Variants in NEK6 observed in about 807,000 individuals in gnomAD.
The protein encoded by NEK6 is NIMA related kinase 6, also known as serine/threonine-protein kinase Nek6.
NEK6 carries 27 observed loss-of-function variants against 43.5 expected under a neutral mutation model. The observed-to-expected ratio is 0.62, with a 90% CI of 0.46 to 0.86. NEK6 has a LOEUF of 0.86. NEK6 is among the 40% of genes least tolerant of loss of function. The pLI, the probability that NEK6 is intolerant of heterozygous loss-of-function variation, is 0.00. For missense variants in NEK6, 318 were observed against 414.4 expected, an observed-to-expected ratio of 0.77 and a Z score of 2.02; for synonymous variants, 167 against 164.1, an observed-to-expected ratio of 1.02 and a Z score of -0.14.
intron 7 of NEK6, among the ~76,000 whole-genome samples, chr9:124,331,289 A>C (rs922635759): frequency 2.9e-5 from 4 of 140,004 alleles, no homozygotes; most frequent in African/African-American, 1.1e-4. Flanking sequence ...CATTTTGCTC[A>C]TTTTGCTTTT....
intron 1 of NEK6, among the ~76,000 whole-genome samples, chr9:124,288,897 C>G (rs936894967): frequency 1.2e-4 from 18 of 152,156 alleles, no homozygotes; most frequent in Non-Finnish European, 2.2e-4. Context: ...CCTGCAGCCC[C>G]CTTCATTGCC....
At chr9:124,327,160 A>G (rs1359798157) in intron 6 of NEK6, among the ~76,000 whole-genome samples, 178 bp from the exon 7 acceptor site, 1 of 152,164 alleles carries the variant, frequency 6.6e-6, no homozygotes, top group African/African-American at 2.4e-5. Context: ...TCATATGAAG[A>G]AACTGAGGCT....
At chr9:124,260,755 C>T (rs1830999423) in intron 1 of NEK6, among the ~76,000 whole-genome samples, 1 of 152,164 alleles carries the variant, frequency 6.6e-6, no homozygotes, top group African/African-American at 2.4e-5. Flanking sequence ...TGTATTTTAC[C>T]CAGTCCACTC....
chr9:124,276,845 G>A (rs143340126), intron 1 of NEK6, among the ~76,000 whole-genome samples: 1 of 152,362 alleles, frequency 6.6e-6, no homozygotes, highest in Non-Finnish European at 1.5e-5. Flanking sequence ...GGAAACAGCA[G>A]TTGCAGGAAC....
chr9:124,327,271 C>A, intron 6 of NEK6, 67 bp from the exon 7 acceptor site: 1 of 1,328,894 alleles, frequency 7.5e-7, no homozygotes, highest in Non-Finnish European at 1.1e-6. Context: ...CTCCCCCTTC[C>A]TCTCGTCCTG....
chr9:124,267,669 CT>C (rs1241821112), intron 1 of NEK6, among the ~76,000 whole-genome samples: 1 of 152,252 alleles, frequency 6.6e-6, no homozygotes. Context: ...TGGGCCGCCC[CT>C]GAGCTGGCCA....
At chr9:124,309,247 C>T (rs1376099141) in intron 2 of NEK6, among the ~76,000 whole-genome samples, 1 of 152,180 alleles carries the variant, frequency 6.6e-6, no homozygotes, top group African/African-American at 2.4e-5. Context: ...CTAATTGGGT[C>T]GGATGGACTG....
At chr9:124,310,089 T>C (rs1833454964) in intron 2 of NEK6, among the ~76,000 whole-genome samples, 1 of 152,124 alleles carries the variant, frequency 6.6e-6, no homozygotes, top group Non-Finnish European at 1.5e-5. Context: ...GGATCTGAGC[T>C]GAGAGCCCAC....
chr9:124,292,300 C>T, intron 1 of NEK6: 1 of 1,372,520 alleles, frequency 7.3e-7, no homozygotes, highest in Non-Finnish European at 9.6e-7. Context: ...GGACCTTTGC[C>T]ACTAGCCTGG....
chr9:124,262,503 C>T (rs1564610388), intron 1 of NEK6, among the ~76,000 whole-genome samples: 1 of 152,272 alleles, frequency 6.6e-6, no homozygotes, highest in African/African-American at 2.4e-5. Flanking sequence ...GTCTCCAATT[C>T]TGGATTTTTC....
intron 1 of NEK6, among the ~76,000 whole-genome samples, chr9:124,270,069 G>GC (rs560878217): frequency 0.062 from 9,172 of 147,318 alleles, 352 homozygotes; most frequent in African/African-American, 0.1. Flanking sequence ...TTCCTTCCAC[G>GC]CCCCCCCCCC....
intron 8 of NEK6, among the ~76,000 whole-genome samples, chr9:124,345,162 A>G (rs1214305108): frequency 6.6e-6 from 1 of 152,202 alleles, no homozygotes; most frequent in Admixed American, 6.5e-5. Flanking sequence ...TTTGAGGAGC[A>G]GCGCTGAGAG....
At chr9:124,325,720 AT>A (rs1372635700) in intron 5 of NEK6, among the ~76,000 whole-genome samples, 1 of 152,176 alleles carries the variant, frequency 6.6e-6, no homozygotes, top group African/African-American at 2.4e-5. Flanking sequence ...AGCACTAAAT[AT>A]GTTTTCCCAG....
chr9:124,257,959 C>T lies in NEK6; in HGVS notation c.-156C>T, dbSNP rs1483177933. 3.8e-4 allele frequency: 374 copies of T among 978,388 alleles called. 2 individuals carry two copies. Among genetic ancestry groups the T allele is most frequent in the South Asian group, 3.5e-3 (75 of 21,268 alleles). The allele number at this position is 978,388 out of a possible 1,614,324, so 60.6% of individuals were successfully genotyped here. A position where few individuals can be genotyped will look rare whatever the true frequency, so the allele number is the denominator to read the frequency against. On this transcript the variant is annotated 5_prime_UTR_variant, in exon 1 of 10. Transcript: ENST00000320246. Reference sequence around the variant, plus strand: ...CGCGGGCCCGCGCAGGCGGTGGCGGCGGCGGCGGAACCGAGCTGACGGGCG... The same window carrying T: ...CGCGGGCCCGCGCAGGCGGTGGCGGTGGCGGCGGAACCGAGCTGACGGGCG...
At chr9:124,344,611 T>C (rs1829821638) in intron 8 of NEK6, among the ~76,000 whole-genome samples, 1 of 152,262 alleles carries the variant, frequency 6.6e-6, no homozygotes, top group South Asian at 2.1e-4. Context: ...GGCCGGGCTC[T>C]GTTCTCGTTA....
rs1830261043 is a variant in NEK6 at position 124,351,280 on chromosome 9, T to A, written c.*333T>A. Reference sequence around the variant, plus strand: ...TGAATCTTTAGGGTAATTCCTCCAGTGACCTGTCAAGGCTTATGCTAACAG... The same window carrying A: ...TGAATCTTTAGGGTAATTCCTCCAGAGACCTGTCAAGGCTTATGCTAACAG... On this transcript the variant is annotated 3_prime_UTR_variant, in exon 10 of 10. Coordinates refer to ENST00000320246, the MANE Select transcript of NEK6 (RefSeq NM_014397.6). 3 of 263,952 alleles carry A rather than the reference T, an allele frequency of 1.1e-5. No individual in the cohort carries two copies. The highest frequency in any genetic ancestry group is 1.5e-5 in the Non-Finnish European group (2 of 134,864). The allele number at this position is 263,952 out of a possible 1,614,324, so 16.4% of individuals were successfully genotyped here.
At chr9:124,279,037 G>A (rs778351437) in intron 1 of NEK6, among the ~76,000 whole-genome samples, 1 of 152,010 alleles carries the variant, frequency 6.6e-6, no homozygotes, top group Non-Finnish European at 1.5e-5. Context: ...CAATTTGGGC[G>A]AAGTTTCCCA....
intron 9 of NEK6, among the ~76,000 whole-genome samples, chr9:124,349,504 C>G (rs1269590023): frequency 3.3e-5 from 5 of 152,168 alleles, no homozygotes; most frequent in African/African-American, 1.2e-4. Context: ...TGGCTCTCGC[C>G]GGGCCCCATG....
intron 9 of NEK6, among the ~76,000 whole-genome samples, chr9:124,349,505 G>A (rs1009937661): frequency 4.6e-5 from 7 of 152,188 alleles, no homozygotes; most frequent in African/African-American, 1.4e-4. Flanking sequence ...GGCTCTCGCC[G>A]GGCCCCATGC....
Sources: allele counts gnomAD v4.1 joint callset (sites outside exome capture counted in the v4.1 genomes callset), GRCh38; gene constraint gnomAD v4.1.1; transcripts MANE v1.5; gene names NCBI Gene and HGNC (gene_info 2026-07-23, HGNC 2026-07-21).